SGCZ: variants seen among roughly 807,000 people sequenced by gnomAD.
SGCZ encodes the protein zeta-sarcoglycan.
In SGCZ, 40 loss-of-function variants were observed where a neutral mutation model predicts 41.3. The observed-to-expected ratio is 0.97, with a 90% CI of 0.75 to 1.26. The LOEUF (loss-of-function observed/expected upper bound fraction) is 1.26. SGCZ is among the 50% of genes most tolerant of loss of function. The probability of loss-of-function intolerance (pLI) is 0.00; values close to 1 mark genes in which losing one functional copy is unlikely to be tolerated. For missense variants in SGCZ, 552 were observed against 369.8 expected (o/e 1.49, Z -4.04); for synonymous variants, 206 against 137.5 (o/e 1.50, Z -3.49).
At chr8:14,218,173 C>T (rs1421502871) in intron 4 of SGCZ, among the ~76,000 whole-genome samples, 1 of 152,154 alleles carries the variant, frequency 6.6e-6, no homozygotes, top group Non-Finnish European at 1.5e-5. Flanking sequence ...AATAAAATTA[C>T]TTCTTTCAGA....
chr8:14,748,652 A>T (rs1799409665), intron 1 of SGCZ, among the ~76,000 whole-genome samples: 1 of 152,196 alleles, frequency 6.6e-6, no homozygotes, highest in Admixed American at 6.5e-5. Context: ...AGCAAGAGAG[A>T]TCTGATTTCT....
intron 1 of SGCZ, among the ~76,000 whole-genome samples, chr8:15,118,358 C>T (rs1037680135): frequency 9.9e-5 from 15 of 152,038 alleles, no homozygotes; most frequent in Non-Finnish European, 1.8e-4. Context: ...GCTAACTGGA[C>T]GGTCTAAGTT....
intron 2 of SGCZ, among the ~76,000 whole-genome samples, chr8:14,398,291 T>C (rs1009679534): frequency 3.9e-5 from 6 of 152,170 alleles, no homozygotes; most frequent in Non-Finnish European, 8.8e-5. Context: ...CAGTGTGACC[T>C]ATTCCTTAGC....
At chr8:14,677,951 T>C (rs952853407) in intron 1 of SGCZ, among the ~76,000 whole-genome samples, 3 of 152,068 alleles carry the variant, frequency 2.0e-5, no homozygotes, top group African/African-American at 7.2e-5. Context: ...GGTGAAATAA[T>C]AGACAAACAG....
chr8:15,013,033 C>A (rs531212599), intron 1 of SGCZ, among the ~76,000 whole-genome samples: 1 of 151,988 alleles, frequency 6.6e-6, no homozygotes, highest in South Asian at 2.1e-4. Flanking sequence ...TTCTTAATGG[C>A]AAACAGGTGG....
In SGCZ at chr8:14,675,506, A is replaced by T. The variant is rs960748971; in HGVS notation, c.40-120580T>A. On this transcript the variant is annotated intron_variant, in intron 1 of 7. Transcript: ENST00000382080. ...GGCTTATTTATTGACCACTGTATAC[A>T]CTTTACAGAGTGTATACACTTTACC... 3.9e-5 allele frequency among the ~76,000 whole-genome samples: 6 copies of T among 152,166 alleles called. No homozygotes were observed. In the East Asian group the frequency reaches 5.8e-4, roughly 15 times the overall value.
intron 1 of SGCZ, among the ~76,000 whole-genome samples, chr8:14,876,850 G>A (rs553123581): frequency 1.3e-5 from 2 of 152,254 alleles, no homozygotes; most frequent in East Asian, 3.9e-4. Flanking sequence ...TGTTCCTCAG[G>A]CCACCTCTCT....
intron 1 of SGCZ, among the ~76,000 whole-genome samples, chr8:14,583,792 T>C (rs1040410533): frequency 9.2e-5 from 14 of 151,516 alleles, no homozygotes. Flanking sequence ...CTATATGATA[T>C]TCAATTTTAT....
chr8:15,153,656 CT>C (rs1799243880), intron 1 of SGCZ, among the ~76,000 whole-genome samples: 1 of 152,056 alleles, frequency 6.6e-6, no homozygotes, highest in African/African-American at 2.4e-5. Context: ...GGCTATGGCA[CT>C]TTCCCCCCAC....
intron 1 of SGCZ, among the ~76,000 whole-genome samples, chr8:14,887,864 A>G (rs1327119250): frequency 6.6e-6 from 1 of 152,178 alleles, no homozygotes; most frequent in African/African-American, 2.4e-5. Flanking sequence ...TGCAAAAGAC[A>G]GAATTTCCTT....
chr8:14,626,221 G>C (rs1806449220), intron 1 of SGCZ, among the ~76,000 whole-genome samples: 1 of 151,978 alleles, frequency 6.6e-6, no homozygotes, highest in African/African-American at 2.4e-5. Context: ...GTAAACGTGT[G>C]TCATGGTGGT....
At chr8:15,227,419 G>A (rs1801814424) in intron 1 of SGCZ, among the ~76,000 whole-genome samples, 1 of 152,118 alleles carries the variant, frequency 6.6e-6, no homozygotes, top group South Asian at 2.1e-4. Context: ...ATACCAGAGA[G>A]TTCTAAGCAT....
chr8:14,121,943 C>A (rs1382786444), intron 5 of SGCZ, among the ~76,000 whole-genome samples: 1 of 152,076 alleles, frequency 6.6e-6, no homozygotes, highest in Non-Finnish European at 1.5e-5. Context: ...ACAATGTATA[C>A]CTCACAGTTG....
intron 1 of SGCZ, among the ~76,000 whole-genome samples, chr8:15,039,130 A>T (rs1456640602): frequency 2.0e-5 from 3 of 152,188 alleles, no homozygotes; most frequent in Admixed American, 2.0e-4. Flanking sequence ...CTACCGGTAT[A>T]TAGCCAAAGG....
At chr8:14,847,123 AAGAAAGAAGAAGAAG>A (rs1402785979) in intron 1 of SGCZ, among the ~76,000 whole-genome samples, 3 of 103,314 alleles carry the variant, frequency 2.9e-5, no homozygotes, top group African/African-American at 1.1e-4. Flanking sequence ...GAAGAAGAAG[AAGAAAGAAGAAGAAG>A]AAGAAGAAGA....
chr8:14,116,151 G>A (rs55709146), intron 5 of SGCZ, among the ~76,000 whole-genome samples: 27,167 of 151,908 alleles, frequency 0.18, 3,307 homozygotes, highest in East Asian at 0.65. Context: ...TTCAAATATT[G>A]CATTGGTTTA....
chr8:14,383,482 C>T (rs879482817), intron 2 of SGCZ, among the ~76,000 whole-genome samples: 2 of 152,194 alleles, frequency 1.3e-5, no homozygotes, highest in Non-Finnish European at 2.9e-5. Context: ...CAAAGTGTCC[C>T]ACTCTGGATA....
chr8:14,833,411 C>T (rs139771499), intron 1 of SGCZ, among the ~76,000 whole-genome samples: 2 of 152,206 alleles, frequency 1.3e-5, no homozygotes, highest in African/African-American at 4.8e-5. Context: ...TACACCTTGT[C>T]GGCTCGTGTC....
chr8:14,130,406 A>T (rs1388509435), intron 5 of SGCZ, among the ~76,000 whole-genome samples: 1 of 152,172 alleles, frequency 6.6e-6, no homozygotes, highest in Non-Finnish European at 1.5e-5. Context: ...GCTGTTAAGA[A>T]AATATAGATA....
Sources: gnomAD v4.1 joint callset for allele counts (sites outside exome capture counted in the v4.1 genomes callset) on GRCh38, gnomAD v4.1.1 for gene constraint, MANE v1.5 for transcripts, NCBI Gene and HGNC (gene_info 2026-07-23, HGNC 2026-07-21) for gene names.